The following AFF3 variants were observed in gnomAD, a reference collection of about 807,000 sequenced individuals.
AFF3 encodes ALF transcription elongation factor 3.
A neutral mutation model predicts 129.7 loss-of-function variants in AFF3; 32 were observed. The observed-to-expected ratio is 0.25, with a 90% CI of 0.19 to 0.33. The LOEUF is 0.33. AFF3 is among the 10% of genes least tolerant of loss of function. The probability of loss-of-function intolerance (pLI) is 1.00; values close to 1 mark genes in which losing one functional copy is unlikely to be tolerated. For missense variants in AFF3, 1,373 were observed against 1,592.0 expected (o/e 0.86, Z 2.34); for synonymous variants, 644 against 635.4 (o/e 1.01, Z -0.20).
chr2:100,005,163 T>C (rs1196392969), intron 7 of AFF3, among the ~76,000 whole-genome samples: 1 of 152,208 alleles, frequency 6.6e-6, no homozygotes. Flanking sequence ...AGTGTCCAGG[T>C]TATTAATGAC....
intron 17 of AFF3, 110 bp from the exon 18 acceptor site, chr2:99,578,561 T>A: frequency 1.3e-6 from 2 of 1,490,446 alleles, no homozygotes; most frequent in Non-Finnish European, 1.8e-6. Flanking sequence ...AACATCTTTG[T>A]GTGCTGTATT....
chr2:99,830,630 T>C (rs1007362824), intron 8 of AFF3, among the ~76,000 whole-genome samples: 8 of 152,236 alleles, frequency 5.3e-5, no homozygotes, highest in African/African-American at 1.9e-4. Context: ...CGGGTGACTG[T>C]AACCCAGCTA....
chr2:100,048,812 T>G (rs7596359), intron 4 of AFF3, among the ~76,000 whole-genome samples: 24,332 of 152,140 alleles, frequency 0.16, 2,165 homozygotes, highest in East Asian at 0.29. Flanking sequence ...TAACCAAAAT[T>G]AACATGGGAT....
At chr2:99,594,744 C>A (rs1679119499) in intron 14 of AFF3, among the ~76,000 whole-genome samples, 1 of 151,984 alleles carries the variant, frequency 6.6e-6, no homozygotes, top group African/African-American at 2.4e-5. Context: ...CTAAGTGGAA[C>A]CTACAATCCC....
chr2:99,650,676 T>C (rs1685151745), intron 12 of AFF3, among the ~76,000 whole-genome samples: 1 of 152,128 alleles, frequency 6.6e-6, no homozygotes, highest in South Asian at 2.1e-4. Flanking sequence ...CGTTAGGCGA[T>C]GAGCACAGGG....
At chr2:99,912,922 C>T (rs2106205307) in intron 7 of AFF3, among the ~76,000 whole-genome samples, 2 of 152,270 alleles carry the variant, frequency 1.3e-5, no homozygotes, top group Middle Eastern at 3.4e-3. Flanking sequence ...TTTACAGAGA[C>T]ACACACTAAG....
chr2:100,121,253 A>G (rs62149356), intron 2 of AFF3, among the ~76,000 whole-genome samples: 52,332 of 152,052 alleles, frequency 0.34, 10,806 homozygotes, highest in African/African-American at 0.58. Context: ...CTCAGGCTCA[A>G]CCAGCAGAGA....
intron 7 of AFF3, among the ~76,000 whole-genome samples, chr2:99,860,640 A>G (rs1375724141): frequency 6.6e-6 from 1 of 152,132 alleles, no homozygotes; most frequent in African/African-American, 2.4e-5. Flanking sequence ...AGGTAGGAGA[A>G]TGGCTTGAAC....
chr2:99,708,740 T>C (rs1558771566), intron 11 of AFF3, among the ~76,000 whole-genome samples: 1 of 152,308 alleles, frequency 6.6e-6, no homozygotes, highest in East Asian at 1.9e-4. Context: ...GATAAAAATA[T>C]TGATATGCTT....
At chr2:100,009,550 G>A (rs1290803106) in intron 4 of AFF3, among the ~76,000 whole-genome samples, 1 of 152,142 alleles carries the variant, frequency 6.6e-6, no homozygotes, top group East Asian at 1.9e-4. Context: ...AATGTGCCAG[G>A]AGGAAGGGGT....
At chr2:100,041,105 T>A (rs1467335440) in intron 4 of AFF3, among the ~76,000 whole-genome samples, 1 of 152,212 alleles carries the variant, frequency 6.6e-6, no homozygotes, top group East Asian at 1.9e-4. Context: ...GCAAAGGAGT[T>A]CAGTAAGAGC....
At chr2:99,591,546 C>T (rs1390452367) in intron 15 of AFF3, among the ~76,000 whole-genome samples, 1 of 152,154 alleles carries the variant, frequency 6.6e-6, no homozygotes, top group African/African-American at 2.4e-5. Flanking sequence ...AGATGATTGT[C>T]ATAAAAAGGA....
intron 7 of AFF3, among the ~76,000 whole-genome samples, chr2:99,927,300 C>G (rs1696321751): frequency 6.6e-6 from 1 of 152,146 alleles, no homozygotes; most frequent in African/African-American, 2.4e-5. Flanking sequence ...CAGCACTATT[C>G]ATAATAGCAA....
At chr2:99,871,332 A>G (rs984114243) in intron 7 of AFF3, among the ~76,000 whole-genome samples, 1 of 152,234 alleles carries the variant, frequency 6.6e-6, no homozygotes, top group Non-Finnish European at 1.5e-5. Flanking sequence ...AGTGCCTGGC[A>G]TCTACTGAGT....
chr2:99,817,456 T>G (rs1382822700), intron 8 of AFF3, among the ~76,000 whole-genome samples: 1 of 152,226 alleles, frequency 6.6e-6, no homozygotes. Context: ...CAAAGGAGTT[T>G]TCTGTTTCTT....
chr2:99,995,984 A>G (rs552663482), intron 7 of AFF3, among the ~76,000 whole-genome samples: 1 of 152,342 alleles, frequency 6.6e-6, no homozygotes, highest in East Asian at 1.9e-4. Context: ...TATAAATTGG[A>G]TGTCTAAGAA....
intron 11 of AFF3, among the ~76,000 whole-genome samples, chr2:99,714,080 T>C (rs1473877721): frequency 1.3e-5 from 2 of 152,118 alleles, no homozygotes; most frequent in African/African-American, 2.4e-5. Flanking sequence ...ACACAGAAAA[T>C]GGGGTTCGCA....
intron 4 of AFF3, among the ~76,000 whole-genome samples, chr2:100,031,263 T>C (rs1684465553): frequency 6.6e-6 from 1 of 152,196 alleles, no homozygotes; most frequent in African/African-American, 2.4e-5. Context: ...AGTAAATAGA[T>C]GGTGAATAAT....
intron 17 of AFF3, among the ~76,000 whole-genome samples, chr2:99,581,937 C>T (rs1293138816): frequency 6.6e-6 from 1 of 150,890 alleles, no homozygotes; most frequent in Non-Finnish European, 1.5e-5. Flanking sequence ...TCACTGCAAC[C>T]TCCACCTCCC....
Sources: gnomAD v4.1 joint callset for allele counts (sites outside exome capture counted in the v4.1 genomes callset) on GRCh38, gnomAD v4.1.1 for gene constraint, MANE v1.5 for transcripts, NCBI Gene and HGNC (gene_info 2026-07-23, HGNC 2026-07-21) for gene names.